E2F2: variants seen among roughly 807,000 people sequenced by gnomAD.
E2F2 encodes transcription factor E2F2.
A neutral mutation model predicts 42.2 loss-of-function variants in E2F2; 22 were observed. That is an observed-to-expected ratio of 0.52 (90% CI 0.37 to 0.74). The LOEUF is 0.74. E2F2 is among the 30% of genes least tolerant of loss of function. E2F2 has a pLI of 0.00. For missense variants in E2F2, 481 were observed against 557.8 expected, an observed-to-expected ratio of 0.86 and a Z score of 1.39; for synonymous variants, 248 against 251.6, an observed-to-expected ratio of 0.99 and a Z score of 0.13.
rs1642854241 is a variant in E2F2 at position 23,508,958 on chromosome 1, A to T, written c.*922T>A. On this transcript the variant is annotated 3_prime_UTR_variant, in exon 7 of 7. Coordinates refer to ENST00000361729, the MANE Select transcript of E2F2 (RefSeq NM_004091.4). ...GGCTCCTGGACCAGCGCAAGGCAGA[A>T]ACTCTGAGGAAAAGTGCCCGCCACA... The T allele has an allele frequency of 6.6e-6, 1 of 152,358 alleles. No homozygotes were observed. Among genetic ancestry groups the T allele is most frequent in the Non-Finnish European group, 1.5e-5 (1 of 68,184 alleles). 9.4% of individuals were successfully genotyped at this position (152,358 alleles called of 1,614,324 possible). A position where few individuals can be genotyped will look rare whatever the true frequency, so the allele number is the denominator to read the frequency against.
chr1:23,524,256 T>C (rs955688111), intron 2 of E2F2, 127 bp downstream of exon 2: 2 of 738,870 alleles, frequency 2.7e-6, no homozygotes, highest in Non-Finnish European at 4.1e-6. Flanking sequence ...CAGGATCAAA[T>C]AATAAAATAC....
At chr1:23,518,693 G>A (rs145970182) in intron 5 of E2F2, among the ~76,000 whole-genome samples, 20 of 152,168 alleles carry the variant, frequency 1.3e-4, no homozygotes, top group East Asian at 9.7e-4. Flanking sequence ...GGGAAAGCAC[G>A]GTCAGCATGA....
At position 23,530,528 on chromosome 1, in the gene E2F2, GC is replaced by G; in HGVS notation, c.252+13del. On this transcript the variant is annotated intron_variant, in intron 1 of 6. Coordinates refer to ENST00000361729, the MANE Select transcript of E2F2 (RefSeq NM_004091.4). This position sits in a 1 kb window ranked among gnomAD's most constrained non-coding sequence, Gnocchi z 4.4. ...AAAAGCATAGGGGGAAGCGGTGGGG[GC>G]CCCCAGCATTACCGGCAGCCGGCCT... 1 of 1,610,306 alleles carries G rather than the reference GC, an allele frequency of 6.2e-7. No individual in the cohort carries two copies. Among genetic ancestry groups the G allele is most frequent in the Non-Finnish European group, 8.5e-7 (1 of 1,178,544 alleles).
chr1:23,529,171 A>G (rs1208752249), intron 1 of E2F2, among the ~76,000 whole-genome samples: 1 of 152,200 alleles, frequency 6.6e-6, no homozygotes, highest in East Asian at 1.9e-4. Context: ...CCCCTGTAAC[A>G]TGGAGCTATT....
chr1:23,525,238 C>A (rs1233260527), intron 1 of E2F2, among the ~76,000 whole-genome samples: 1 of 152,090 alleles, frequency 6.6e-6, no homozygotes, highest in Non-Finnish European at 1.5e-5. Context: ...TTGGGAAACA[C>A]CTGCTGGGGA....
rs758831870 is a variant in E2F2 at position 23,519,101 on chromosome 1, C to T, written c.767G>A (p.Arg256His). ...RLAYVTYQDI[R>H]AVGNFKEQTV... ...CTGCTCCTTAAAGTTGCCAACAGCACGGATATCCTGGTAAGTCACATAGGC... is the reference window on the plus strand; with the variant it reads ...CTGCTCCTTAAAGTTGCCAACAGCATGGATATCCTGGTAAGTCACATAGGC... Residue 256 changes from arginine (R) to histidine (H), a missense_variant, in exon 5 of 7, where the codon CGT becomes CAT. Arg to His is a conservative substitution (Grantham distance 29). Transcript: ENST00000361729. 6.8e-6 allele frequency: 11 copies of T among 1,613,744 alleles called. No homozygotes were observed. The highest frequency in any genetic ancestry group is 2.7e-5 in the African/African-American group (2 of 74,910).
chr1:23,520,839 A>C (rs1035960456), intron 4 of E2F2, 74 bp downstream of exon 4: 24 of 1,371,776 alleles, frequency 1.7e-5, no homozygotes, highest in Non-Finnish European at 2.3e-5. Flanking sequence ...TAAGTTACTG[A>C]ATCAACTCAG....
Position 23,519,126 on chromosome 1 carries a change from C to T in E2F2, c.742G>A (p.Ala248Thr). 1 of 1,613,110 alleles carries T rather than the reference C, an allele frequency of 6.2e-7. No homozygotes were observed. The change falls in exon 5 of 7, where the codon GCC (alanine) becomes ACC (threonine). Residue 248 changes from alanine to threonine, a missense_variant. Transcript: ENST00000361729. Reference sequence around the variant, plus strand: ...CGGATATCCTGGTAAGTCACATAGGCCAGCGTAGGGCAGGAGAGTCAAGAA... The same window carrying T: ...CGGATATCCTGGTAAGTCACATAGGTCAGCGTAGGGCAGGAGAGTCAAGAA... Reference protein sequence around the residue: ...LTEDKANKRLAYVTYQDIRAV... With the variant: ...LTEDKANKRLTYVTYQDIRAV...
intron 6 of E2F2, among the ~76,000 whole-genome samples, chr1:23,512,845 C>T (rs1642936996): frequency 6.6e-6 from 1 of 151,472 alleles, no homozygotes; most frequent in African/African-American, 2.4e-5. Context: ...CAGAGTCCCA[C>T]TCTGTCGGTC....
chr1:23,513,562 ATG>A (rs71023281), intron 6 of E2F2, among the ~76,000 whole-genome samples: 16,686 of 134,836 alleles, frequency 0.12, 995 homozygotes, highest in Non-Finnish European at 0.14. Flanking sequence ...AGCACGGAAC[ATG>A]TGTGTGTGTG....
At position 23,521,092 on chromosome 1, in the gene E2F2, C is replaced by CA. The variant is rs1558248971; in HGVS notation, c.579-22dup. 6.3e-6 allele frequency: 10 copies of CA among 1,593,248 alleles called. No homozygotes were observed. The Admixed American group carries it at 1.2e-4, about 20-fold the overall frequency. On this transcript the variant is annotated intron_variant, in intron 3 of 6. Transcript: ENST00000361729. ...TGCCTCTGGGAACAGAGCAGCCCCCCAGTGTCAGTCTGTGGGTGAAACTCC... is the reference window on the plus strand; with the variant it reads ...TGCCTCTGGGAACAGAGCAGCCCCCCAAGTGTCAGTCTGTGGGTGAAACTCC...
At position 23,530,747 on chromosome 1, in the gene E2F2, G is replaced by C. The variant is rs1484979378; in HGVS notation, c.47C>G (p.Pro16Arg). The change falls in exon 1 of 7, where the codon CCG becomes CGG. Residue 16 changes from proline to arginine, a missense_variant. Transcript: ENST00000361729. The surrounding 1 kb of genome is among the most constrained non-coding windows in gnomAD (Gnocchi z 4.4). ...RALASAAGQT[P>R]KVVPAMSPTE... is the part of the protein sequence containing the mutation. ...GGGGCTCATCGCGGGCACCACCTTC[G>C]GGGTCTGCCCAGCGGCCGAAGCCAA... 3 of 1,589,252 alleles carry C rather than the reference G, an allele frequency of 1.9e-6. No individual in the cohort carries two copies. Among genetic ancestry groups the C allele is most frequent in the Non-Finnish European group, 2.6e-6 (3 of 1,167,738 alleles).
Position 23,530,924 on chromosome 1 carries a change from C to A in E2F2, c.-131G>T, listed in dbSNP as rs1012689017. 76 of 1,212,898 alleles carry A rather than the reference C, an allele frequency of 6.3e-5. No individual in the cohort carries two copies. The African/African-American group carries it at 1.1e-3, about 18-fold the overall frequency. The allele number at this position is 1,212,898 out of a possible 1,614,324, so 75.1% of individuals were successfully genotyped here. A position where few individuals can be genotyped will look rare whatever the true frequency, so the allele number is the denominator to read the frequency against. On this transcript the variant is annotated 5_prime_UTR_variant, in exon 1 of 7. Transcript: ENST00000361729. This position sits in a 1 kb window ranked among gnomAD's most constrained non-coding sequence, Gnocchi z 4.4. ...GGGGGAAGCCGCCAATGGACGCCTG[C>A]GGGGCAAGGCCGGACCCTCCCCTCC...
At chr1:23,518,587 G>A (rs1036755963) in intron 5 of E2F2, among the ~76,000 whole-genome samples, 2 of 152,178 alleles carry the variant, frequency 1.3e-5, no homozygotes, top group African/African-American at 4.8e-5. Context: ...AACAAAGACA[G>A]ATGGGGCAGC....
At chr1:23,518,310 A>AG (rs1643065944) in intron 5 of E2F2, among the ~76,000 whole-genome samples, 1 of 152,066 alleles carries the variant, frequency 6.6e-6, no homozygotes, top group Non-Finnish European at 1.5e-5. Flanking sequence ...TACTAAAAAA[A>AG]AAATACAAAA....
At chr1:23,523,185 ACTCT>A (rs983162943) in intron 2 of E2F2, among the ~76,000 whole-genome samples, 3 of 143,488 alleles carry the variant, frequency 2.1e-5, no homozygotes, top group African/African-American at 7.7e-5. Flanking sequence ...ATGGAGTCTC[ACTCT>A]CTCTCCCAGG....
chr1:23,518,911 A>G (rs2148698994), intron 5 of E2F2, 105 bp downstream of exon 5: 1 of 821,868 alleles, frequency 1.2e-6, no homozygotes, highest in South Asian at 2.0e-5. Flanking sequence ...ATGGGCCTGC[A>G]AAGCATGGGG....
Position 23,521,857 on chromosome 1 carries a change from G to C in E2F2, c.558C>G (p.Ala186=), listed in dbSNP as rs1481204160. Residue 186 remains alanine (A), a synonymous_variant, in exon 3 of 7, where the codon GCC becomes GCG. Coordinates refer to ENST00000361729, the MANE Select transcript of E2F2 (RefSeq NM_004091.4). ...LEGIQLIRKK[A]KNNIQWVGRG... is the part of the protein sequence containing the mutation. ...CTCACACCCACTGGATGTTGTTCTT[G>C]GCCTTCTTGCGGATGAGCTGGATGC... is the stretch of plus-strand genomic sequence containing the variant. 2 of 1,613,876 alleles carry C rather than the reference G, an allele frequency of 1.2e-6. No individual in the cohort carries two copies. Among genetic ancestry groups the C allele is most frequent in the Non-Finnish European group, 1.7e-6 (2 of 1,180,012 alleles).
intron 5 of E2F2, 75 bp downstream of exon 5, chr1:23,518,941 G>C (rs1643080827): frequency 5.1e-6 from 6 of 1,178,738 alleles, no homozygotes; most frequent in Non-Finnish European, 2.5e-6. Flanking sequence ...GCCAGGGACA[G>C]AGTCTGCAGA....
Sources: gnomAD v4.1 joint callset for allele counts (sites outside exome capture counted in the v4.1 genomes callset) on GRCh38, gnomAD v4.1.1 for gene constraint, Gnocchi (gnomAD v3.1) non-coding constraint, MANE v1.5 for transcripts, NCBI Gene and HGNC (gene_info 2026-07-23, HGNC 2026-07-21) for gene names.